Variants in SUPV3L1 observed in about 807,000 individuals in gnomAD.
SUPV3L1 encodes the protein ATP-dependent RNA helicase SUPV3L1, mitochondrial.
Under a neutral mutation model 70.0 loss-of-function variants are expected in SUPV3L1, and 35 were observed. That is an observed-to-expected ratio of 0.50 (90% CI 0.38 to 0.66). The LOEUF is 0.66. Ranked by LOEUF, SUPV3L1 falls within the 30% of genes least tolerant of loss-of-function variation. The pLI, the probability that SUPV3L1 is intolerant of heterozygous loss-of-function variation, is 0.00. For synonymous variants in SUPV3L1, 364 were observed against 341.9 expected, an observed-to-expected ratio of 1.06 and a Z score of -0.71; for missense variants, 777 against 961.5, an observed-to-expected ratio of 0.81 and a Z score of 2.54.
In SUPV3L1 at chr10:69,189,428, A is replaced by G. The variant is rs1842327399; in HGVS notation, c.734A>G (p.Asn245Ser). 6.2e-7 allele frequency: 1 copy of G among 1,608,128 alleles called. No homozygotes were observed. Among genetic ancestry groups the G allele is most frequent in the African/African-American group, 1.3e-5 (1 of 74,802 alleles). The change falls in exon 5 of 15, where the codon AAT (asparagine) becomes AGT (serine). Residue 245 changes from asparagine to serine, a missense_variant. Coordinates refer to ENST00000359655, the MANE Select transcript of SUPV3L1 (RefSeq NM_003171.5). The stretch of plus-strand genomic sequence containing the variant: ...GCACATGAGATCTTCGAAAAGAGTA[A>G]TGCTGCTGTCAGTATATTACCAAAT... ...LLAHEIFEKS[N>S]AAGVPCDLVT... is the part of the protein sequence containing the mutation.
intron 1 of SUPV3L1, among the ~76,000 whole-genome samples, chr10:69,181,964 C>G (rs983876165): frequency 1.3e-5 from 2 of 149,844 alleles, no homozygotes; most frequent in Non-Finnish European, 3.0e-5. Flanking sequence ...ATAAAATTTA[C>G]TCTTTTAAGC....
intron 14 of SUPV3L1, 125 bp downstream of exon 14, chr10:69,208,066 T>A: frequency 5.7e-6 from 7 of 1,218,044 alleles, no homozygotes; most frequent in Non-Finnish European, 6.9e-6. Flanking sequence ...ATGTCTATTG[T>A]CCATAAAGGC....
chr10:69,185,769 G>A (rs1444512827), intron 1 of SUPV3L1, among the ~76,000 whole-genome samples: 1 of 151,910 alleles, frequency 6.6e-6, no homozygotes, highest in Non-Finnish European at 1.5e-5. Context: ...CAAAGTGCTG[G>A]GATTACAGGC....
intron 7 of SUPV3L1, among the ~76,000 whole-genome samples, chr10:69,196,788 C>T (rs1292711270): frequency 1.3e-5 from 2 of 152,124 alleles, no homozygotes; most frequent in East Asian, 3.9e-4. Context: ...TTTAAAAGGC[C>T]TGAGATTAAT....
intron 7 of SUPV3L1, among the ~76,000 whole-genome samples, chr10:69,196,539 A>G (rs1842548238): frequency 6.6e-6 from 1 of 151,764 alleles, no homozygotes; most frequent in Admixed American, 6.6e-5. Context: ...TTTTTTAAAC[A>G]AAGAGTATAC....
chr10:69,183,849 C>A (rs569347208), intron 1 of SUPV3L1, among the ~76,000 whole-genome samples: 1 of 149,282 alleles, frequency 6.7e-6, no homozygotes, highest in African/African-American at 2.5e-5. Flanking sequence ...TATCTGTTAG[C>A]AAGTCACTCT....
At chr10:69,186,780 G>A (rs558971564) in intron 3 of SUPV3L1, among the ~76,000 whole-genome samples, 1 of 152,164 alleles carries the variant, frequency 6.6e-6, no homozygotes, top group South Asian at 2.1e-4. Context: ...GGAAGACTGG[G>A]GCCCAGTGAA....
chr10:69,201,405 T>G (rs1183676007), intron 11 of SUPV3L1, among the ~76,000 whole-genome samples: 1 of 152,224 alleles, frequency 6.6e-6, no homozygotes, highest in African/African-American at 2.4e-5. Flanking sequence ...CTCATGTCTT[T>G]CTAGATGTAT....
chr10:69,208,510 A>G, intron 14 of SUPV3L1, 90 bp from the exon 15 acceptor site: 1 of 1,322,502 alleles, frequency 7.6e-7, no homozygotes, highest in East Asian at 2.3e-5. Context: ...TTTAGAATTT[A>G]TCAATGTCAT....
chr10:69,189,459 C>T, intron 5 of SUPV3L1, 24 bp downstream of exon 5: 2 of 1,545,550 alleles, frequency 1.3e-6, no homozygotes, highest in Non-Finnish European at 1.7e-6. Context: ...CAAATATTTG[C>T]TCATTTTTTT....
chr10:69,194,564 A>G (rs1351121475), intron 6 of SUPV3L1, among the ~76,000 whole-genome samples: 3 of 151,766 alleles, frequency 2.0e-5, no homozygotes, highest in Non-Finnish European at 4.4e-5. Context: ...ATTGGCCAGG[A>G]TGGTCTCGAT....
chr10:69,180,641 T>G, intron 1 of SUPV3L1, 79 bp downstream of exon 1: 1 of 1,529,748 alleles, frequency 6.5e-7, no homozygotes, highest in East Asian at 2.3e-5. Context: ...CTACATCCCC[T>G]TCCCCTGGGG....
At chr10:69,182,892 C>T (rs562191010) in intron 1 of SUPV3L1, among the ~76,000 whole-genome samples, 6 of 152,318 alleles carry the variant, frequency 3.9e-5, no homozygotes, top group East Asian at 1.9e-4. Context: ...CTTTGTCCTG[C>T]GTCACCTTGC....
At chr10:69,181,955 T>C (rs1260394705) in intron 1 of SUPV3L1, among the ~76,000 whole-genome samples, 1 of 151,582 alleles carries the variant, frequency 6.6e-6, no homozygotes, top group Admixed American at 6.6e-5. Flanking sequence ...TAAAAATACA[T>C]AAAATTTACT....
chr10:69,181,464 T>G (rs1213190885), intron 1 of SUPV3L1, among the ~76,000 whole-genome samples: 1 of 152,224 alleles, frequency 6.6e-6, no homozygotes, highest in Non-Finnish European at 1.5e-5. Context: ...ACTAAACATG[T>G]GATGGAACTC....
chr10:69,206,325 C>G (rs543593117), intron 13 of SUPV3L1, among the ~76,000 whole-genome samples: 2 of 152,306 alleles, frequency 1.3e-5, no homozygotes, highest in Admixed American at 1.3e-4. Context: ...TGCTCTTCCT[C>G]TCTGAAGTAT....
intron 13 of SUPV3L1, among the ~76,000 whole-genome samples, chr10:69,206,515 G>T (rs1186153503): frequency 6.6e-6 from 1 of 152,164 alleles, no homozygotes; most frequent in Non-Finnish European, 1.5e-5. Context: ...GCCTAATTCT[G>T]GGATGCAACA....
chr10:69,193,640 G>C, intron 6 of SUPV3L1, among the ~76,000 whole-genome samples: 1 of 151,968 alleles, frequency 6.6e-6, no homozygotes, highest in Non-Finnish European at 1.5e-5. Context: ...GAACTCCCGG[G>C]CTCAAGCAGT....
intron 1 of SUPV3L1, among the ~76,000 whole-genome samples, chr10:69,184,492 G>C (rs181207946): frequency 6.6e-6 from 1 of 152,220 alleles, no homozygotes; most frequent in African/African-American, 2.4e-5. Context: ...CTGAGATCGC[G>C]CCATTGCCCT....
Sources: allele counts gnomAD v4.1 joint callset (sites outside exome capture counted in the v4.1 genomes callset), GRCh38; gene constraint gnomAD v4.1.1; transcripts MANE v1.5; gene names NCBI Gene and HGNC (gene_info 2026-07-23, HGNC 2026-07-21).